The following KHDRBS2 variants were observed in gnomAD, a reference collection of about 807,000 sequenced individuals.
KHDRBS2 encodes KH domain-containing, RNA-binding, signal transduction-associated protein 2.
In KHDRBS2, 26 loss-of-function variants were observed where a neutral mutation model predicts 44.3. The observed-to-expected ratio is 0.59, with a 90% CI of 0.43 to 0.81. The LOEUF is 0.81. KHDRBS2 is among the 40% of genes least tolerant of loss of function. The pLI is 0.00. For missense variants in KHDRBS2, 476 were observed against 433.1 expected (o/e 1.10, Z -0.88); for synonymous variants, 194 against 151.1 (o/e 1.28, Z -2.08).
intron 2 of KHDRBS2, among the ~76,000 whole-genome samples, chr6:62,114,944 T>C (rs542756768): frequency 1.4e-4 from 21 of 152,158 alleles, no homozygotes; most frequent in Non-Finnish European, 3.1e-4. Context: ...TAATATTTAG[T>C]AAGTAATTTT....
At chr6:62,102,484 C>G (rs571908953) in intron 2 of KHDRBS2, among the ~76,000 whole-genome samples, 3 of 152,302 alleles carry the variant, frequency 2.0e-5, no homozygotes, top group Admixed American at 1.3e-4. Context: ...ACATGGGGAG[C>G]CCCGAGGTCT....
chr6:61,575,953 G>A, the KHDRBS2 span, among the ~76,000 whole-genome samples: 1 of 152,088 alleles, frequency 6.6e-6, no homozygotes, highest in African/African-American at 2.4e-5. Context: ...CGAATTAGAG[G>A]GAAGGGTAGG....
chr6:62,072,720 A>T (rs1331333062), intron 2 of KHDRBS2, among the ~76,000 whole-genome samples: 1 of 152,056 alleles, frequency 6.6e-6, no homozygotes, highest in Non-Finnish European at 1.5e-5. Context: ...AAGCTTTTTG[A>T]TGTGCTGCTG....
At chr6:62,258,080 C>A (rs1281186854) in intron 1 of KHDRBS2, among the ~76,000 whole-genome samples, 2 of 151,940 alleles carry the variant, frequency 1.3e-5, no homozygotes, top group Admixed American at 1.3e-4. Flanking sequence ...AGCAGTGGCA[C>A]AAACAACAGC....
At chr6:61,866,747 C>T (rs1583240268) in intron 6 of KHDRBS2, among the ~76,000 whole-genome samples, 1 of 152,146 alleles carries the variant, frequency 6.6e-6, no homozygotes, top group East Asian at 1.9e-4. Flanking sequence ...TTTCTTCTGC[C>T]AAATGCCCTA....
At chr6:61,966,874 A>G (rs1312275885) in intron 4 of KHDRBS2, among the ~76,000 whole-genome samples, 2 of 151,848 alleles carry the variant, frequency 1.3e-5, no homozygotes, top group Admixed American at 1.3e-4. Flanking sequence ...CTTAAACAGT[A>G]CAATAGTCAG....
chr6:61,769,849 A>G (rs1368997047), intron 6 of KHDRBS2, among the ~76,000 whole-genome samples: 1 of 152,212 alleles, frequency 6.6e-6, no homozygotes, highest in Non-Finnish European at 1.5e-5. Flanking sequence ...TGGTTCTCCC[A>G]GCACGCAGCT....
At chr6:62,136,579 G>A (rs148884768) in intron 2 of KHDRBS2, among the ~76,000 whole-genome samples, 5 of 152,104 alleles carry the variant, frequency 3.3e-5, no homozygotes, top group East Asian at 1.9e-4. Context: ...GATAGGTTTC[G>A]TTTTTGAAAT....
chr6:62,110,267 C>A (rs957924887), intron 2 of KHDRBS2, among the ~76,000 whole-genome samples: 3 of 152,070 alleles, frequency 2.0e-5, no homozygotes, highest in African/African-American at 7.2e-5. Flanking sequence ...AACAATCTCA[C>A]AATTTCTAAA....
At chr6:62,212,217 G>T (rs527514334) in intron 1 of KHDRBS2, among the ~76,000 whole-genome samples, 1 of 151,984 alleles carries the variant, frequency 6.6e-6, no homozygotes, top group African/African-American at 2.4e-5. Context: ...ATATAGGTAG[G>T]TAAATGCTAT....
chr6:61,735,491 T>C (rs1415500178), intron 6 of KHDRBS2, among the ~76,000 whole-genome samples: 1 of 152,172 alleles, frequency 6.6e-6, no homozygotes, highest in African/African-American at 2.4e-5. Context: ...CTTGCATAGC[T>C]ATTTTTCAAA....
At chr6:61,627,936 G>A in the KHDRBS2 span, among the ~76,000 whole-genome samples, 1 of 152,130 alleles carries the variant, frequency 6.6e-6, no homozygotes, top group Non-Finnish European at 1.5e-5. Context: ...GGGTGGCCTG[G>A]GAACTCTAGA....
intron 4 of KHDRBS2, among the ~76,000 whole-genome samples, chr6:61,951,389 C>T (rs968305261): frequency 6.6e-6 from 1 of 151,968 alleles, no homozygotes; most frequent in African/African-American, 2.4e-5. Context: ...TATCAATCTA[C>T]CAATCATTTT....
In KHDRBS2 at chr6:62,134,285, C is replaced by T. The variant is rs527645915; in HGVS notation, c.219+42900G>A. 3.3e-5 allele frequency among the ~76,000 whole-genome samples: 5 copies of T among 152,192 alleles called. No individual in the cohort carries two copies. The East Asian group carries it at 5.8e-4, about 18-fold the overall frequency. ...AAAGAGGCCAAGGTACAGCTTGGAC[C>T]GTGGCTTCAGAGGGTGCCAAGTCTT... On this transcript the variant is annotated intron_variant, in intron 2 of 8. Coordinates refer to ENST00000281156, the MANE Select transcript of KHDRBS2 (RefSeq NM_152688.4).
chr6:61,581,572 TACAATAC>T, the KHDRBS2 span, among the ~76,000 whole-genome samples: 6 of 101,546 alleles, frequency 5.9e-5, no homozygotes, highest in African/African-American at 2.1e-4. Flanking sequence ...TACAACAATA[TACAATAC>T]ACAATATACA....
At chr6:61,551,226 T>C in the KHDRBS2 span, among the ~76,000 whole-genome samples, 1 of 152,342 alleles carries the variant, frequency 6.6e-6, no homozygotes, top group Middle Eastern at 3.4e-3. Context: ...TGTTTTTTGC[T>C]TGTGAATTTG....
intron 4 of KHDRBS2, among the ~76,000 whole-genome samples, chr6:61,960,269 C>T (rs1215642424): frequency 2.6e-5 from 4 of 152,018 alleles, no homozygotes; most frequent in Admixed American, 2.0e-4. Flanking sequence ...CTGTCTCTTT[C>T]TACTCATATT....
the KHDRBS2 span, among the ~76,000 whole-genome samples, chr6:61,548,845 C>A: frequency 1.3e-5 from 2 of 152,070 alleles, no homozygotes; most frequent in Non-Finnish European, 2.9e-5. Context: ...TCAACCTAGA[C>A]CAGGGTATGT....
chr6:62,004,223 T>G (rs1778797471), intron 3 of KHDRBS2, among the ~76,000 whole-genome samples: 1 of 152,158 alleles, frequency 6.6e-6, no homozygotes, highest in Admixed American at 6.5e-5. Context: ...GAGCTGTTTC[T>G]TTTTTGAAAA....
Sources: allele counts gnomAD v4.1 joint callset (sites outside exome capture counted in the v4.1 genomes callset), GRCh38; gene constraint gnomAD v4.1.1; transcripts MANE v1.5; gene names NCBI Gene and HGNC (gene_info 2026-07-23, HGNC 2026-07-21).